CACNA2D1: variants seen among roughly 807,000 people sequenced by gnomAD.
The protein encoded by CACNA2D1 is voltage-dependent calcium channel subunit alpha-2/delta-1.
CACNA2D1 carries 53 observed loss-of-function variants against 171.5 expected under a neutral mutation model. That is an observed-to-expected ratio of 0.31 (90% confidence interval 0.25 to 0.39). CACNA2D1 has a LOEUF of 0.39. Among genes scored for constraint, CACNA2D1 ranks in the 10% least tolerant of loss-of-function variants. The pLI, the probability that CACNA2D1 is intolerant of heterozygous loss-of-function variation, is 1.00. For missense variants in CACNA2D1, 903 were observed against 1,299.8 expected (o/e 0.69, Z 4.69); for synonymous variants, 442 against 443.1 (o/e 1.00, Z 0.03).
At chr7:82,067,738 G>T (rs924869915) in intron 7 of CACNA2D1, among the ~76,000 whole-genome samples, 1 of 152,118 alleles carries the variant, frequency 6.6e-6, no homozygotes, top group Non-Finnish European at 1.5e-5. Flanking sequence ...GTGTGTATGT[G>T]TGTGGTAGCA....
intron 7 of CACNA2D1, among the ~76,000 whole-genome samples, chr7:82,069,807 T>C (rs1435477308): frequency 1.3e-5 from 2 of 152,212 alleles, no homozygotes; most frequent in Non-Finnish European, 2.9e-5. Flanking sequence ...TGACAGCTAA[T>C]TGCATTTCCC....
At chr7:82,171,899 A>T (rs1796058418) in intron 3 of CACNA2D1, among the ~76,000 whole-genome samples, 1 of 152,092 alleles carries the variant, frequency 6.6e-6, no homozygotes, top group Non-Finnish European at 1.5e-5. Context: ...CCTTAGCGTA[A>T]GTTCTTCCTG....
At chr7:82,336,363 C>G (rs1563388210) in intron 2 of CACNA2D1, among the ~76,000 whole-genome samples, 2 of 151,924 alleles carry the variant, frequency 1.3e-5, no homozygotes, top group African/African-American at 4.8e-5. Context: ...TTTACATGGA[C>G]TTATAATTTT....
At chr7:82,443,823 C>T (rs1830695204), upstream of CACNA2D1, 1 of 709,266 alleles carries the variant, frequency 1.4e-6, no homozygotes, top group Non-Finnish European at 1.9e-6. Flanking sequence ...ATTGCCGAGG[C>T]GAAGGCGGAG....
intron 10 of CACNA2D1, among the ~76,000 whole-genome samples, chr7:82,045,858 TTCAGAG>T (rs1383624000): frequency 6.6e-6 from 1 of 152,086 alleles, no homozygotes; most frequent in Non-Finnish European, 1.5e-5. Flanking sequence ...TGTTAAAGTG[TTCAGAG>T]TCAAACAGCA....
chr7:82,259,074 C>T (rs1380547477), intron 3 of CACNA2D1, among the ~76,000 whole-genome samples: 1 of 152,062 alleles, frequency 6.6e-6, no homozygotes, highest in African/African-American at 2.4e-5. Flanking sequence ...AGTGATCCAC[C>T]AAATGGCCTC....
chr7:82,408,556 G>A (rs1827310590), intron 1 of CACNA2D1, among the ~76,000 whole-genome samples: 1 of 152,110 alleles, frequency 6.6e-6, no homozygotes, highest in Non-Finnish European at 1.5e-5. Flanking sequence ...TAATAATAAA[G>A]ATACACTTAG....
At chr7:82,067,096 G>T (rs889416948) in intron 7 of CACNA2D1, among the ~76,000 whole-genome samples, 3 of 152,032 alleles carry the variant, frequency 2.0e-5, no homozygotes, top group African/African-American at 4.8e-5. Context: ...CAACAATCTT[G>T]TATGACTTTC....
intron 3 of CACNA2D1, among the ~76,000 whole-genome samples, chr7:82,315,609 TG>T (rs1815021677): frequency 6.6e-6 from 1 of 151,906 alleles, no homozygotes; most frequent in African/African-American, 2.4e-5. Context: ...AAGAAAGGTA[TG>T]CCAGAAAAAA....
intron 1 of CACNA2D1, among the ~76,000 whole-genome samples, chr7:82,408,033 T>C (rs1827247201): frequency 1.3e-5 from 2 of 151,526 alleles, no homozygotes; most frequent in Admixed American, 1.3e-4. Context: ...TTTTTTTTTT[T>C]TTTTTGAGAC....
chr7:81,992,605 T>G (rs988539018), intron 20 of CACNA2D1, among the ~76,000 whole-genome samples: 1 of 152,094 alleles, frequency 6.6e-6, no homozygotes. Flanking sequence ...AAATACAGTA[T>G]CAGAAAACAG....
chr7:81,953,132 A>C (rs1458510794), intron 38 of CACNA2D1, among the ~76,000 whole-genome samples: 3 of 151,970 alleles, frequency 2.0e-5, no homozygotes, highest in Non-Finnish European at 4.4e-5. Context: ...ATACATCCCC[A>C]AACTTACTGC....
chr7:82,006,742 T>TAAA (rs1799160906), intron 16 of CACNA2D1, among the ~76,000 whole-genome samples: 1 of 152,094 alleles, frequency 6.6e-6, no homozygotes. Flanking sequence ...GTTACTCTTT[T>TAAA]ATGAGTTACA....
intron 7 of CACNA2D1, among the ~76,000 whole-genome samples, chr7:82,069,353 T>A (rs1584625847): frequency 6.6e-6 from 1 of 152,178 alleles, no homozygotes; most frequent in Admixed American, 6.5e-5. Flanking sequence ...GACTTTTTAG[T>A]GTTTCAGGAA....
At chr7:82,439,525 G>C (rs1037062107) in intron 1 of CACNA2D1, among the ~76,000 whole-genome samples, 3 of 151,318 alleles carry the variant, frequency 2.0e-5, no homozygotes, top group Admixed American at 6.6e-5. Context: ...CCATGGGAGG[G>C]GGAGATAATA....
rs1319575441 is a variant in CACNA2D1, at chr7:82,152,213, T to C, written c.355-15537A>G. Among the ~76,000 whole-genome samples the C allele has an allele frequency of 3.3e-5, 5 of 151,880 alleles. No homozygotes were observed. In the East Asian group the frequency reaches 9.6e-4, roughly 29 times the overall value. On this transcript the variant is annotated intron_variant, in intron 4 of 38. Transcript: ENST00000356860. ...TCATGTAAATGATATGAAAACCACA[T>C]TTATATTAATATAATTCGCCTATTG...
intron 7 of CACNA2D1, among the ~76,000 whole-genome samples, chr7:82,067,243 T>C (rs1366863572): frequency 5.9e-5 from 9 of 152,196 alleles, no homozygotes; most frequent in Non-Finnish European, 8.8e-5. Context: ...TTTACATGCA[T>C]GCACACCTTA....
At chr7:81,954,246 AAC>A (rs1175546053) in intron 38 of CACNA2D1, among the ~76,000 whole-genome samples, 4 of 152,110 alleles carry the variant, frequency 2.6e-5, no homozygotes, top group African/African-American at 9.6e-5. Flanking sequence ...AGTAGAAAAT[AAC>A]AGATTGGTAC....
intron 8 of CACNA2D1, among the ~76,000 whole-genome samples, chr7:82,065,668 A>T (rs1344712710): frequency 2.0e-5 from 3 of 152,202 alleles, no homozygotes; most frequent in African/African-American, 7.2e-5. Context: ...CCTAGAAAAA[A>T]GTTAGAAATA....
Sources: gnomAD v4.1 joint callset for allele counts (sites outside exome capture counted in the v4.1 genomes callset) on GRCh38, gnomAD v4.1.1 for gene constraint, MANE v1.5 for transcripts, NCBI Gene and HGNC (gene_info 2026-07-23, HGNC 2026-07-21) for gene names.